The following PRKDC variants were observed in gnomAD, a reference collection of about 807,000 sequenced individuals.
PRKDC encodes the protein protein kinase, DNA-activated, catalytic subunit, also known as DNA-dependent protein kinase catalytic subunit.
In PRKDC, 82 loss-of-function variants were observed where a neutral mutation model predicts 486.9. That is an observed-to-expected ratio of 0.17 (90% CI 0.14 to 0.20). PRKDC has a LOEUF of 0.20. Ranked by LOEUF, PRKDC falls within the 10% of genes least tolerant of loss-of-function variation. The pLI, the probability that PRKDC is intolerant of heterozygous loss-of-function variation, is 1.00. For missense variants in PRKDC, 4,504 were observed against 5,038.2 expected (o/e 0.89, Z 3.21); for synonymous variants, 1,895 against 1,837.0 (o/e 1.03, Z -0.81).
At chr8:47,823,762 A>G (rs1167277799) in intron 64 of PRKDC, 96 bp downstream of exon 64, 6 of 1,407,126 alleles carry the variant, frequency 4.3e-6, no homozygotes, top group Non-Finnish European at 5.9e-6. Context: ...TTGAACCAAC[A>G]AGGATCTGCT....
At chr8:47,816,942 A>T (rs560401914) in intron 68 of PRKDC, among the ~76,000 whole-genome samples, 1 of 152,194 alleles carries the variant, frequency 6.6e-6, no homozygotes, top group South Asian at 2.1e-4. Context: ...ATTTTATTAC[A>T]TGGTTAGTAC....
rs1386916416 is a variant in PRKDC at position 47,960,058 on chromosome 8, G to A, written c.69C>T (p.Asp23=). 1.2e-5 allele frequency: 18 copies of A among 1,532,486 alleles called. No individual in the cohort carries two copies. The highest frequency in any genetic ancestry group is 8.3e-5 in the South Asian group (7 of 83,916). 94.9% of individuals were successfully genotyped at this position (1,532,486 alleles called of 1,614,324 possible). A position where few individuals can be genotyped will look rare whatever the true frequency, so the allele number is the denominator to read the frequency against. Residue 23 remains aspartate (D), a synonymous_variant, in exon 1 of 86, where the codon GAC becomes GAT. Transcript: ENST00000314191. ...GACCGGCCAGGGCAGCACCGCAGCG[G>A]TCCGCAGCGGACAAGGTCTCCTGCA... is the stretch of plus-strand genomic sequence containing the variant. ...LRLQETLSAA[D]RCGAALAGHQ... is the part of the protein sequence containing the mutation.
chr8:47,798,144 A>G, intron 73 of PRKDC, 93 bp downstream of exon 73: 1 of 1,298,948 alleles, frequency 7.7e-7, no homozygotes, highest in Non-Finnish European at 1.1e-6. Context: ...GCTATAATAC[A>G]TGCACTGCAC....
chr8:47,857,770 C>T (rs1171986198), intron 48 of PRKDC, among the ~76,000 whole-genome samples: 1 of 152,182 alleles, frequency 6.6e-6, no homozygotes, highest in Non-Finnish European at 1.5e-5. Flanking sequence ...AGCCCTAGAG[C>T]AGCCTGTCAG....
chr8:47,937,092 TA>T (rs1258352052), intron 11 of PRKDC, among the ~76,000 whole-genome samples: 5,364 of 119,840 alleles, frequency 0.045, 127 homozygotes, highest in South Asian at 0.079. Context: ...CGTCTCTACT[TA>T]AAAAAAAAAA....
chr8:47,927,069 A>T (rs960154969), intron 21 of PRKDC, 125 bp downstream of exon 21: 1 of 876,392 alleles, frequency 1.1e-6, no homozygotes, highest in African/African-American at 1.7e-5. Flanking sequence ...CAAAAATAGC[A>T]ATCAAACATA....
At chr8:47,816,106 TGGG>T (rs2087436283) in intron 68 of PRKDC, among the ~76,000 whole-genome samples, 1 of 151,804 alleles carries the variant, frequency 6.6e-6, no homozygotes, top group African/African-American at 2.4e-5. Flanking sequence ...CCCAGCTACT[TGGG>T]GGGTTGAGGC....
chr8:47,852,108 C>G (rs1316741030), intron 52 of PRKDC, among the ~76,000 whole-genome samples: 1 of 152,142 alleles, frequency 6.6e-6, no homozygotes, highest in Non-Finnish European at 1.5e-5. Context: ...AGAGCAAGAA[C>G]CCAGCTCTAA....
intron 40 of PRKDC, among the ~76,000 whole-genome samples, chr8:47,870,490 G>A (rs1021857841): frequency 2.0e-5 from 3 of 152,156 alleles, no homozygotes; most frequent in Non-Finnish European, 4.4e-5. Flanking sequence ...TGGGTTTGGG[G>A]TGCCTCCTAC....
intron 77 of PRKDC, 92 bp from the exon 78 acceptor site, chr8:47,783,901 A>C: frequency 8.1e-7 from 1 of 1,240,658 alleles, no homozygotes; most frequent in Non-Finnish European, 1.2e-6. Context: ...TTAAAAAGCC[A>C]ATCTAACATG....
chr8:47,780,366 T>A (rs1037403745), intron 80 of PRKDC, among the ~76,000 whole-genome samples: 4 of 152,246 alleles, frequency 2.6e-5, no homozygotes, highest in Non-Finnish European at 5.9e-5. Context: ...GATGTTTAAG[T>A]GAACTTGAAA....
At chr8:47,864,418 G>C (rs1365556951) in intron 41 of PRKDC, 138 bp downstream of exon 41, 2 of 735,748 alleles carry the variant, frequency 2.7e-6, no homozygotes, top group Non-Finnish European at 4.3e-6. Context: ...AATAAAGGCA[G>C]ATCCCATGTA....
intron 68 of PRKDC, among the ~76,000 whole-genome samples, chr8:47,817,226 C>T (rs1023273333): frequency 6.6e-6 from 1 of 152,158 alleles, no homozygotes; most frequent in African/African-American, 2.4e-5. Context: ...CAGGATCAGC[C>T]ACCAGCACCT....
chr8:47,933,827 AT>A (rs2090299701), intron 15 of PRKDC, 137 bp downstream of exon 15: 1 of 936,654 alleles, frequency 1.1e-6, no homozygotes, highest in Non-Finnish European at 1.5e-6. Context: ...TACGGTTTTA[AT>A]TTTTTATTTT....
intron 30 of PRKDC, among the ~76,000 whole-genome samples, chr8:47,894,435 G>A (rs968182613): frequency 2.0e-5 from 3 of 152,144 alleles, no homozygotes; most frequent in Non-Finnish European, 4.4e-5. Context: ...GAAGAAAAAT[G>A]ATAGAAAGAA....
At chr8:47,895,952 T>C (rs1307593648) in intron 30 of PRKDC, among the ~76,000 whole-genome samples, 3 of 151,886 alleles carry the variant, frequency 2.0e-5, no homozygotes, top group Admixed American at 6.6e-5. Flanking sequence ...GGCAGGAGAA[T>C]TGCTTGAACC....
At chr8:47,829,644 G>A (rs2087819390) in intron 61 of PRKDC, among the ~76,000 whole-genome samples, 1 of 151,854 alleles carries the variant, frequency 6.6e-6, no homozygotes, top group South Asian at 2.1e-4. Flanking sequence ...AGAAAATATG[G>A]CTAAATCAAA....
chr8:47,916,229 C>G (rs533956430), intron 22 of PRKDC, among the ~76,000 whole-genome samples: 1 of 152,020 alleles, frequency 6.6e-6, no homozygotes, highest in Admixed American at 6.6e-5. Context: ...GGGCAGATCA[C>G]GAGGTCAGGA....
At chr8:47,779,224 A>G in intron 80 of PRKDC, 131 bp from the exon 81 acceptor site, 1 of 632,602 alleles carries the variant, frequency 1.6e-6, no homozygotes, top group Non-Finnish European at 2.7e-6. Context: ...TTTTAACCAT[A>G]TTCAATATTA....
Sources: allele counts gnomAD v4.1 joint callset (sites outside exome capture counted in the v4.1 genomes callset), GRCh38; gene constraint gnomAD v4.1.1; transcripts MANE v1.5; gene names NCBI Gene and HGNC (gene_info 2026-07-23, HGNC 2026-07-21).